The following SIRPB2 variants were observed in gnomAD, a reference collection of about 807,000 sequenced individuals.
The protein encoded by SIRPB2 is signal regulatory protein beta 2.
In SIRPB2, 18 loss-of-function variants were observed where a neutral mutation model predicts 27.1. That is an observed-to-expected ratio of 0.66 (90% confidence interval 0.46 to 0.98). The LOEUF is 0.98. Ranked by LOEUF, SIRPB2 falls within the 50% of genes least tolerant of loss-of-function variation. The pLI, the probability that SIRPB2 is intolerant of heterozygous loss-of-function variation, is 0.00. For missense variants in SIRPB2, 420 were observed against 417.4 expected, an observed-to-expected ratio of 1.01 and a Z score of -0.06; for synonymous variants, 150 against 164.6, an observed-to-expected ratio of 0.91 and a Z score of 0.68.
In SIRPB2 at chr20:1,476,185, C is replaced by T; in HGVS notation, c.1011G>A (p.Trp337Ter). The T allele has an allele frequency of 6.2e-7, 1 of 1,613,916 alleles. No individual in the cohort carries two copies. Among genetic ancestry groups the T allele is most frequent in the South Asian group, 1.1e-5 (1 of 91,040 alleles). ...TGACCCCTCACTCTTGACCCTTGCTCCATGCTAAGGTGTTCATGGCTCCTG... is the reference window on the plus strand; with the variant it reads ...TGACCCCTCACTCTTGACCCTTGCTTCATGCTAAGGTGTTCATGGCTCCTG... ...GPAGAMNTLA[W>*]SKGQE The change falls in exon 5 of 5, where the codon TGG becomes TGA. Residue 337 changes from tryptophan to a stop codon, truncating the protein, a stop_gained. Coordinates refer to ENST00000359801, the MANE Select transcript of SIRPB2 (RefSeq NM_001122962.2). LOFTEE classifies it high-confidence loss of function.
intron 1 of SIRPB2, among the ~76,000 whole-genome samples, chr20:1,490,446 CAG>C (rs142516874): frequency 0.011 from 1,618 of 152,270 alleles, 34 homozygotes; most frequent in African/African-American, 0.038. Context: ...CCTGGTAGAT[CAG>C]AGAGTTCTGG....
At chr20:1,486,440 A>G (rs2090727323) in intron 1 of SIRPB2, among the ~76,000 whole-genome samples, 1 of 152,096 alleles carries the variant, frequency 6.6e-6, no homozygotes, top group South Asian at 2.1e-4. Flanking sequence ...AAATTGAAAA[A>G]AGGAGCATAC....
chr20:1,471,975 A>G (rs771083106), downstream of SIRPB2, among the ~76,000 whole-genome samples: 2 of 152,152 alleles, frequency 1.3e-5, no homozygotes, highest in Non-Finnish European at 2.9e-5. Context: ...GAAGGGAAGG[A>G]AAGAGCTAAA....
At chr20:1,486,095 C>T (rs2090723915) in intron 1 of SIRPB2, among the ~76,000 whole-genome samples, 1 of 130,518 alleles carries the variant, frequency 7.7e-6, no homozygotes, top group South Asian at 2.7e-4. Context: ...TTTTTTGAGA[C>T]AGGGCCTCAC....
rs188875725 is a variant in SIRPB2 at position 1,475,910 on chromosome 20, G to T, written c.*257C>A. 137 of 427,454 alleles carry T rather than the reference G, an allele frequency of 3.2e-4. 1 individual carries two copies. The highest frequency in any genetic ancestry group is 2.6e-3 in the African/African-American group (125 of 48,612). 26.5% of individuals were successfully genotyped at this position (427,454 alleles called of 1,614,324 possible). A position where few individuals can be genotyped will look rare whatever the true frequency, so the allele number is the denominator to read the frequency against. On this transcript the variant is annotated 3_prime_UTR_variant, in exon 5 of 5. Transcript: ENST00000359801. Reference sequence around the variant, plus strand: ...AGAAAGGGCTGCAGCAGGGGCAAGGGTGTTGAGGAGAGACTGAGCCAGGGA... The same window carrying T: ...AGAAAGGGCTGCAGCAGGGGCAAGGTTGTTGAGGAGAGACTGAGCCAGGGA...
At position 1,476,082 on chromosome 20, in the gene SIRPB2, A is replaced by G; in HGVS notation, c.*85T>C. 1 of 1,498,474 alleles carries G rather than the reference A, an allele frequency of 6.7e-7. No individual in the cohort carries two copies. The highest frequency in any genetic ancestry group is 1.2e-5 in the South Asian group (1 of 82,052). The allele number at this position is 1,498,474 out of a possible 1,614,324, so 92.8% of individuals were successfully genotyped here. On this transcript the variant is annotated 3_prime_UTR_variant, in exon 5 of 5. Transcript: ENST00000359801. ...TTTGTCATGAGGCCTGGGGGCACCT[A>G]GAGGCTGGGACTGGAGGTAGGGAAA...
At chr20:1,488,977 C>A (rs2123059458) in intron 1 of SIRPB2, among the ~76,000 whole-genome samples, 1 of 152,190 alleles carries the variant, frequency 6.6e-6, no homozygotes, top group African/African-American at 2.4e-5. Flanking sequence ...AAATGTCTGT[C>A]TACAGGTGAA....
chr20:1,490,823 G>C (rs1732286465), intron 1 of SIRPB2, among the ~76,000 whole-genome samples: 1 of 152,176 alleles, frequency 6.6e-6, no homozygotes. Context: ...TTGGTTTACT[G>C]CTCTGCTGTG....
intron 1 of SIRPB2, among the ~76,000 whole-genome samples, chr20:1,483,046 C>T (rs2090688759): frequency 1.3e-5 from 2 of 151,798 alleles, no homozygotes; most frequent in Admixed American, 6.6e-5. Flanking sequence ...TCCATAGTGG[C>T]TGTACTAATT....
Position 1,479,785 on chromosome 20 carries a change from A to G in SIRPB2, c.366T>C (p.Thr122=), listed in dbSNP as rs780273334. The change falls in exon 2 of 5, where the codon ACT becomes ACC. Residue 122 remains threonine (T), a synonymous_variant. Coordinates refer to ENST00000359801, the MANE Select transcript of SIRPB2 (RefSeq NM_001122962.2). ...IYIHNVTREH[T]GTYHCVRFDG... is the part of the protein sequence containing the mutation. ...CAAACCTCACACAGTGGTAGGTTCC[A>G]GTGTGCTCCCTGGTGACATTGTGGA... 2 of 1,614,226 alleles carry G rather than the reference A, an allele frequency of 1.2e-6. No homozygotes were observed. The highest frequency in any genetic ancestry group is 1.7e-6 in the Non-Finnish European group (2 of 1,180,036).
rs770091867 is a variant in SIRPB2 at position 1,476,158 on chromosome 20, G to A, written c.*9C>T. 2.5e-6 allele frequency: 4 copies of A among 1,612,506 alleles called. No homozygotes were observed. Among genetic ancestry groups the A allele is most frequent in the Non-Finnish European group, 3.4e-6 (4 of 1,179,506 alleles). On this transcript the variant is annotated 3_prime_UTR_variant, in exon 5 of 5. Transcript: ENST00000359801. ...CAACTCAGAGGGTCCTCACTCTGGG[G>A]CTGACCCCTCACTCTTGACCCTTGC...
In SIRPB2 at chr20:1,476,865, G is replaced by A; in HGVS notation, c.859+473C>T. ...GCACAGTTCTGGACACCTGGCATGT[G>A]TGATCTCCTTGAGTGCACACACAAC... On this transcript the variant is annotated intron_variant, in intron 4 of 4. Coordinates refer to ENST00000359801, the MANE Select transcript of SIRPB2 (RefSeq NM_001122962.2). 2.7e-6 allele frequency: 3 copies of A among 1,128,100 alleles called. No homozygotes were observed. The South Asian group carries it at 6.1e-5, about 23-fold the overall frequency. The allele number at this position is 1,128,100 out of a possible 1,614,324, so 69.9% of individuals were successfully genotyped here.
chr20:1,477,658 T>C (rs925904550), intron 3 of SIRPB2, among the ~76,000 whole-genome samples: 2 of 152,186 alleles, frequency 1.3e-5, no homozygotes, highest in Admixed American at 6.5e-5. Context: ...ATGTAGTAGA[T>C]GTTTGTTGAA....
rs544028392 is a variant in SIRPB2, at chr20:1,486,827, T to G, written c.85+4448A>C. ...AGCAAACTGGGAAGACAAGGAAGGTTTTTCAAGTTGATAAGGGGCACCTGT... is the reference window on the plus strand; with the variant it reads ...AGCAAACTGGGAAGACAAGGAAGGTGTTTCAAGTTGATAAGGGGCACCTGT... On this transcript the variant is annotated intron_variant, in intron 1 of 4. Coordinates refer to ENST00000359801, the MANE Select transcript of SIRPB2 (RefSeq NM_001122962.2). Among the ~76,000 whole-genome samples the G allele has an allele frequency of 3.3e-5, 5 of 152,232 alleles. No individual in the cohort carries two copies. In the South Asian group the frequency reaches 8.3e-4, roughly 25 times the overall value.
rs2090649078 is a variant in SIRPB2, at chr20:1,479,831, T to G, written c.320A>C (p.Asn107Thr). 1.2e-6 allele frequency: 2 copies of G among 1,614,122 alleles called. No individual in the cohort carries two copies. The highest frequency in any genetic ancestry group is 1.7e-6 in the Non-Finnish European group (2 of 1,180,048). Residue 107 changes from asparagine (N) to threonine (T), a missense_variant, in exon 2 of 5, where the codon AAT becomes ACT. By Grantham distance (65) the Asn-to-Thr change is moderately conservative. Transcript: ENST00000359801. ...PMIQRTSEPL[N>T]CDYSIYIHNV... ...GTGGATATAGATGGAATAATCACAA[T>G]TCAGTGGTTCTGATGTCCGTTGGAT...
chr20:1,491,048 T>A (rs2090772334), intron 1 of SIRPB2, among the ~76,000 whole-genome samples: 1 of 152,162 alleles, frequency 6.6e-6, no homozygotes, highest in African/African-American at 2.4e-5. Context: ...GCAATCAAGC[T>A]GGAAGCCAGT....
In SIRPB2 at chr20:1,479,950, A is replaced by G; in HGVS notation, c.201T>C (p.Thr67=). 1 of 1,614,190 alleles carries G rather than the reference A, an allele frequency of 6.2e-7. No homozygotes were observed. Among genetic ancestry groups the G allele is most frequent in the Non-Finnish European group, 8.5e-7 (1 of 1,180,038 alleles). The change falls in exon 2 of 5, where the codon ACT becomes ACC. Residue 67 remains threonine, a synonymous_variant. Coordinates refer to ENST00000359801, the MANE Select transcript of SIRPB2 (RefSeq NM_001122962.2). ...LLRCMVVGSC[T]DGMIKWVKVS... is the part of the protein sequence containing the mutation. ...CCTTCACCCATTTTATCATACCATC[A>G]GTGCAGGAGCCGACCACCATACACC...
chr20:1,487,246 A>G (rs2090735554), intron 1 of SIRPB2, among the ~76,000 whole-genome samples: 1 of 152,196 alleles, frequency 6.6e-6, no homozygotes, highest in Non-Finnish European at 1.5e-5. Context: ...TTTAGCCAAA[A>G]ATGTAAAGGA....
intron 1 of SIRPB2, among the ~76,000 whole-genome samples, chr20:1,488,130 C>T (rs1438123338): frequency 1.3e-5 from 2 of 152,032 alleles, no homozygotes; most frequent in African/African-American, 2.4e-5. Context: ...GTTCGGAAAA[C>T]ACTTGTAAAA....
Sources: allele counts gnomAD v4.1 joint callset (sites outside exome capture counted in the v4.1 genomes callset), GRCh38; gene constraint gnomAD v4.1.1; transcripts MANE v1.5; gene names NCBI Gene and HGNC (gene_info 2026-07-23, HGNC 2026-07-21).